FARS2: variants seen among roughly 807,000 people sequenced by gnomAD.
FARS2 encodes the protein phenylalanyl-tRNA synthetase 2, mitochondrial.
FARS2 carries 40 observed loss-of-function variants against 46.4 expected under a neutral mutation model. That is an observed-to-expected ratio of 0.86 (90% confidence interval 0.67 to 1.12). FARS2 has a LOEUF of 1.12. Among genes scored for constraint, FARS2 ranks in the 50% most tolerant of loss-of-function variants. FARS2 has a pLI of 0.00. For synonymous variants in FARS2, 234 were observed against 214.9 expected, an observed-to-expected ratio of 1.09 and a Z score of -0.78; for missense variants, 513 against 567.9, an observed-to-expected ratio of 0.90 and a Z score of 0.98.
At chr6:5,368,403 C>A (rs1000092624) in intron 1 of FARS2, 147 bp from the exon 2 acceptor site, 1 of 660,108 alleles carries the variant, frequency 1.5e-6, no homozygotes, top group Non-Finnish European at 2.6e-6. Context: ...TGTCAGATTT[C>A]TTTAATTGGC....
intron 5 of FARS2, among the ~76,000 whole-genome samples, chr6:5,559,734 A>G (rs1031589551): frequency 6.6e-6 from 1 of 151,640 alleles, no homozygotes; most frequent in Non-Finnish European, 1.5e-5. Context: ...GCTTAATCTT[A>G]TGTCATCTTT....
At chr6:5,478,085 A>C (rs1766231125) in intron 4 of FARS2, among the ~76,000 whole-genome samples, 1 of 40,334 alleles carries the variant, frequency 2.5e-5, no homozygotes, top group Non-Finnish European at 4.0e-5. Context: ...ACACACATAC[A>C]ATAAAACACT....
rs77042408 is a variant in FARS2 at position 5,748,094 on chromosome 6, C to A, written c.1218-23197C>A. Among the ~76,000 whole-genome samples the A allele has an allele frequency of 9.2e-3, 1,406 of 152,238 alleles. 24 individuals are homozygous for A. The highest frequency in any genetic ancestry group is 0.031 in the African/African-American group (1,292 of 41,532). Reference sequence around the variant, plus strand: ...CATCCCAAGAAAACTCCCATTGCTACCCCTTTCTGCTTCCCTCACCCCTCC... The same window carrying A: ...CATCCCAAGAAAACTCCCATTGCTAACCCTTTCTGCTTCCCTCACCCCTCC... On this transcript the variant is annotated intron_variant, in intron 6 of 6. Transcript: ENST00000274680.
At chr6:5,307,684 T>A (rs183058506) in intron 1 of FARS2, among the ~76,000 whole-genome samples, 11 of 152,348 alleles carry the variant, frequency 7.2e-5, no homozygotes, top group Non-Finnish European at 1.3e-4. Flanking sequence ...GACTTAGTAG[T>A]GAGCGTGAGC....
rs188270843 is a variant in FARS2, at chr6:5,475,660, C to T, written c.904+44488C>T. The stretch of plus-strand genomic sequence containing the variant: ...AGACCCCTCTTTACTTCCCTCACTC[C>T]TGTAGTCACACTGTTTACTGTTTCC... On this transcript the variant is annotated intron_variant, in intron 4 of 6. Transcript: ENST00000274680. 5.9e-4 allele frequency among the ~76,000 whole-genome samples: 90 copies of T among 152,284 alleles called. 1 individual carries two copies. The highest frequency in any genetic ancestry group is 5.9e-5 in the Non-Finnish European group (4 of 68,010).
intron 5 of FARS2, among the ~76,000 whole-genome samples, chr6:5,606,553 G>A (rs1261466458): frequency 2.0e-5 from 3 of 152,138 alleles, no homozygotes; most frequent in Non-Finnish European, 2.9e-5. Flanking sequence ...AGAAGGAAAG[G>A]TGTTGGGACT....
At chr6:5,620,706 A>G (rs1471788348) in intron 6 of FARS2, among the ~76,000 whole-genome samples, 6 of 152,176 alleles carry the variant, frequency 3.9e-5, no homozygotes, top group Admixed American at 1.3e-4. Flanking sequence ...CTGTCCAGCA[A>G]TCAGCACCAA....
intron 6 of FARS2, among the ~76,000 whole-genome samples, chr6:5,747,511 G>A (rs770920352): frequency 2.6e-5 from 4 of 152,206 alleles, no homozygotes; most frequent in Admixed American, 6.5e-5. Flanking sequence ...TGTGAAGTAA[G>A]TGACACCCTG....
intron 2 of FARS2, among the ~76,000 whole-genome samples, chr6:5,388,625 T>A (rs531185778): frequency 4.5e-4 from 69 of 152,254 alleles, no homozygotes; most frequent in African/African-American, 1.6e-3. Context: ...TACTTCACTC[T>A]CAGCAAAACA....
chr6:5,762,211 T>C (rs549297681), intron 6 of FARS2, among the ~76,000 whole-genome samples: 1 of 152,342 alleles, frequency 6.6e-6, no homozygotes, highest in East Asian at 1.9e-4. Context: ...AACTGTTAAC[T>C]GTTAGCATGA....
intron 4 of FARS2, among the ~76,000 whole-genome samples, chr6:5,520,733 T>A (rs1047760090): frequency 2.0e-5 from 3 of 152,054 alleles, no homozygotes; most frequent in South Asian, 2.1e-4. Context: ...ATCCTTGGAG[T>A]TCCTGAGAAA....
chr6:5,302,570 A>G (rs1252984473), intron 1 of FARS2, among the ~76,000 whole-genome samples: 1 of 152,184 alleles, frequency 6.6e-6, no homozygotes, highest in East Asian at 1.9e-4. Context: ...TAGGAGGTGG[A>G]CACTATTACT....
chr6:5,370,084 AATT>A (rs1257165548), intron 2 of FARS2, among the ~76,000 whole-genome samples: 1 of 152,198 alleles, frequency 6.6e-6, no homozygotes, highest in East Asian at 1.9e-4. Context: ...GAACAGGAGG[AATT>A]ATTATCGTCA....
intron 6 of FARS2, among the ~76,000 whole-genome samples, chr6:5,619,264 A>AT (rs914796879): frequency 2.0e-5 from 3 of 150,428 alleles, no homozygotes; most frequent in Non-Finnish European, 3.0e-5. Context: ...GGGGAGTAAA[A>AT]TTTTTTTTTT....
At chr6:5,488,042 T>A (rs1296981123) in intron 4 of FARS2, among the ~76,000 whole-genome samples, 1 of 152,202 alleles carries the variant, frequency 6.6e-6, no homozygotes, top group Non-Finnish European at 1.5e-5. Context: ...TTCTTTTGGA[T>A]TTTACTCTTC....
chr6:5,444,398 C>T (rs1764029896), intron 4 of FARS2, among the ~76,000 whole-genome samples: 1 of 136,376 alleles, frequency 7.3e-6, no homozygotes, highest in Non-Finnish European at 1.5e-5. Flanking sequence ...ATCCGGGAGG[C>T]AGAGGTTGCA....
At chr6:5,601,536 A>C (rs1395484093) in intron 5 of FARS2, among the ~76,000 whole-genome samples, 1 of 148,414 alleles carries the variant, frequency 6.7e-6, no homozygotes, top group East Asian at 2.0e-4. Context: ...AAAAAAAAAA[A>C]AAAAAAAAAA....
intron 6 of FARS2, among the ~76,000 whole-genome samples, chr6:5,614,269 A>G (rs1333884029): frequency 6.6e-6 from 1 of 152,194 alleles, no homozygotes; most frequent in Non-Finnish European, 1.5e-5. Flanking sequence ...GAGAAGAAAC[A>G]GTCACCAAAT....
chr6:5,273,120 G>A (rs62385050), intron 1 of FARS2, among the ~76,000 whole-genome samples: 100 of 152,220 alleles, frequency 6.6e-4, no homozygotes, highest in Non-Finnish European at 1.1e-3. Context: ...ATAAACATGG[G>A]AGTGCTGATT....
Sources: allele counts gnomAD v4.1 joint callset (sites outside exome capture counted in the v4.1 genomes callset), GRCh38; gene constraint gnomAD v4.1.1; transcripts MANE v1.5; gene names NCBI Gene and HGNC (gene_info 2026-07-23, HGNC 2026-07-21).